The following CAPN14 variants were observed in gnomAD, a reference collection of about 807,000 sequenced individuals.
CAPN14 encodes calpain 14, also known as calpain-14.
In CAPN14, 94 loss-of-function variants were observed where a neutral mutation model predicts 101.3. That is an observed-to-expected ratio of 0.93 (90% CI 0.79 to 1.10). CAPN14 has a LOEUF of 1.10. Ranked by LOEUF, CAPN14 falls within the 50% of genes least tolerant of loss-of-function variation. The pLI is 0.00. For synonymous variants in CAPN14, 338 were observed against 317.9 expected (o/e 1.06, Z -0.67); for missense variants, 837 against 828.4 (o/e 1.01, Z -0.13).
chr2:31,181,395 T>TC (rs1168252222), intron 16 of CAPN14, among the ~76,000 whole-genome samples: 1 of 108,306 alleles, frequency 9.2e-6, no homozygotes, highest in African/African-American at 4.3e-5. Flanking sequence ...TTTTTCTTTC[T>TC]TTTTTTCTTT....
chr2:31,192,398 T>A (rs1269594887), intron 10 of CAPN14, among the ~76,000 whole-genome samples: 8 of 152,184 alleles, frequency 5.3e-5, no homozygotes, highest in African/African-American at 1.2e-4. Context: ...AGTAAGCAAT[T>A]GTATTAACTC....
chr2:31,223,688 G>A (rs369602121), intron 2 of CAPN14, among the ~76,000 whole-genome samples: 6 of 151,624 alleles, frequency 4.0e-5, no homozygotes, highest in African/African-American at 1.2e-4. Flanking sequence ...ACCACGACGC[G>A]TGGCTAATTT....
intron 2 of CAPN14, among the ~76,000 whole-genome samples, chr2:31,223,535 T>C (rs1057438112): frequency 2.1e-5 from 3 of 141,364 alleles, no homozygotes; most frequent in African/African-American, 8.8e-5. Context: ...CTTTTTCTTT[T>C]TCTTTTCTTT....
At chr2:31,174,866 A>C (rs559251750) in intron 21 of CAPN14, among the ~76,000 whole-genome samples, 159 bp from the exon 22 acceptor site, 1 of 152,354 alleles carries the variant, frequency 6.6e-6, no homozygotes, top group South Asian at 2.1e-4. Context: ...TCAACTTGAA[A>C]TATAATCAAC....
At chr2:31,177,688 CTGA>C in intron 19 of CAPN14, 55 bp downstream of exon 19, 2 of 1,270,682 alleles carry the variant, frequency 1.6e-6, no homozygotes, top group Middle Eastern at 2.0e-4. Context: ...TCTCCTCTGC[CTGA>C]TGAGTGTGCA....
chr2:31,226,790 G>A (rs1020140787), intron 1 of CAPN14: 1 of 152,226 alleles, frequency 6.6e-6, no homozygotes. Context: ...TGATATTTCT[G>A]TACCATTCAC....
chr2:31,232,659 AACTC>A (rs1170062687), intron 1 of CAPN14, among the ~76,000 whole-genome samples: 1 of 152,166 alleles, frequency 6.6e-6, no homozygotes, highest in Non-Finnish European at 1.5e-5. Flanking sequence ...CTCTCACGAG[AACTC>A]ACTCACTATC....
intron 1 of CAPN14, among the ~76,000 whole-genome samples, chr2:31,232,091 T>C (rs1466528374): frequency 6.6e-6 from 1 of 152,156 alleles, no homozygotes; most frequent in Non-Finnish European, 1.5e-5. Context: ...CCCCCTCCCC[T>C]GAAATCCCTG....
At chr2:31,216,248 T>C (rs1184078840) in intron 1 of CAPN14, among the ~76,000 whole-genome samples, 1 of 152,194 alleles carries the variant, frequency 6.6e-6, no homozygotes, top group Admixed American at 6.5e-5. Flanking sequence ...ATTAGCTTAG[T>C]GGTTACCCTT....
intron 5 of CAPN14, among the ~76,000 whole-genome samples, chr2:31,201,179 ATGTGCATGTGTGTGTGCATGTGTGTG>A (rs1380834456): frequency 4.1e-4 from 55 of 133,220 alleles, no homozygotes; most frequent in Non-Finnish European, 8.2e-4. Context: ...GCGTGCATGT[ATGTGCATGTGTGTGTGCATGTGTGTG>A]TGTGCATGTG....
chr2:31,225,878 A>G (rs758895011), intron 2 of CAPN14, among the ~76,000 whole-genome samples: 1 of 149,268 alleles, frequency 6.7e-6, no homozygotes, highest in Non-Finnish European at 1.5e-5. Flanking sequence ...AATAAAAGAC[A>G]GAAAGGGAGA....
At chr2:31,213,134 T>G (rs1487057396) in intron 1 of CAPN14, among the ~76,000 whole-genome samples, 2 of 152,246 alleles carry the variant, frequency 1.3e-5, no homozygotes, top group Admixed American at 1.3e-4. Flanking sequence ...CATGGAGTGC[T>G]GGGTTTGGGA....
rs1681803005 is a variant in CAPN14, at chr2:31,201,907, T to C, written c.506A>G (p.Tyr169Cys). 5 of 1,551,570 alleles carry C rather than the reference T, an allele frequency of 3.2e-6. No individual in the cohort carries two copies. Among genetic ancestry groups the C allele is most frequent in the Admixed American group, 2.0e-5 (1 of 50,974 alleles). ...AGQLVFVSST[Y>C]KNLFWGALLE... ...AAGTGCTCCCCAGAACAAGTTCTTA[T>C]AGGTGGAGGAGACAAAGACCAGCTG... Residue 169 changes from tyrosine (Y) to cysteine (C), a missense_variant, in exon 5 of 22, where the codon TAT becomes TGT. Tyr to Cys is a radical substitution (Grantham distance 194). Coordinates refer to ENST00000403897, the MANE Select transcript of CAPN14 (RefSeq NM_001145122.2).
At chr2:31,215,841 T>G (rs1450705522) in intron 1 of CAPN14, among the ~76,000 whole-genome samples, 2 of 71,856 alleles carry the variant, frequency 2.8e-5, no homozygotes, top group African/African-American at 1.1e-4. Flanking sequence ...AGAAACATCT[T>G]AAAAAAGAAA....
At position 31,224,227 on chromosome 2, in the gene CAPN14, C is replaced by T. The variant is rs567755856; in HGVS notation, c.-53+2301G>A. On this transcript the variant is annotated intron_variant and NMD_transcript_variant, in intron 2 of 21. Transcript: ENST00000398824. ...ACGGTCTCAGCTTCCATTGATGGCA[C>T]CACCATCTACCCAGGCTCCCAGGAA... Among the ~76,000 whole-genome samples, 14 of 152,246 alleles carry T rather than the reference C, an allele frequency of 9.2e-5. 1 individual carries two copies. In the East Asian group the frequency reaches 2.7e-3, roughly 29 times the overall value.
intron 1 of CAPN14, among the ~76,000 whole-genome samples, chr2:31,208,051 T>C (rs1682193925): frequency 6.6e-6 from 1 of 152,100 alleles, no homozygotes; most frequent in Admixed American, 6.6e-5. Context: ...TCCTGGCTAT[T>C]CTTATTTGTC....
rs1681881250 is a variant in CAPN14, at chr2:31,203,081, T to A, written c.284A>T (p.Gln95Leu). The part of the protein sequence containing the change: ...FAKAKRLDLC[Q>L]GIVGDCWFLA... ...CTGTGCAAACTTACCTACTATCCCC[T>A]GGCACAGATCCAGCCTTTTGGCCTT... Residue 95 changes from glutamine (Q) to leucine (L), a missense_variant, in exon 3 of 22, where the codon CAG becomes CTG. Gln to Leu is a moderately radical substitution (Grantham distance 113). Coordinates refer to ENST00000403897, the MANE Select transcript of CAPN14 (RefSeq NM_001145122.2). The A allele has an allele frequency of 6.4e-7, 1 of 1,551,488 alleles. No individual in the cohort carries two copies. Among genetic ancestry groups the A allele is most frequent in the Non-Finnish European group, 8.7e-7 (1 of 1,146,948 alleles).
At chr2:31,190,660 C>T (rs1324758949) in intron 12 of CAPN14, among the ~76,000 whole-genome samples, 1 of 152,164 alleles carries the variant, frequency 6.6e-6, no homozygotes, top group East Asian at 1.9e-4. Flanking sequence ...ACATAAATAA[C>T]TTTTTCTTTT....
chr2:31,189,710 G>C (rs1477941680), intron 12 of CAPN14: 2 of 631,192 alleles, frequency 3.2e-6, no homozygotes, highest in African/African-American at 3.6e-5. Context: ...CGTGTCATTT[G>C]ATTTGACTTA....
Sources: allele counts gnomAD v4.1 joint callset (sites outside exome capture counted in the v4.1 genomes callset), GRCh38; gene constraint gnomAD v4.1.1; transcripts MANE v1.5; gene names NCBI Gene and HGNC (gene_info 2026-07-23, HGNC 2026-07-21).